Variants in THSD7B observed in about 807,000 individuals in gnomAD.
THSD7B encodes thrombospondin type-1 domain-containing protein 7B.
A neutral mutation model predicts 213.6 loss-of-function variants in THSD7B; 138 were observed. The ratio of observed to expected loss-of-function variants is 0.65; its 90% CI spans 0.56 to 0.74. THSD7B has a LOEUF of 0.74. Ranked by LOEUF, THSD7B falls within the 30% of genes least tolerant of loss-of-function variation. The pLI is 0.00. For missense variants in THSD7B, 1,931 were observed against 1,991.5 expected (o/e 0.97, Z 0.58); for synonymous variants, 742 against 687.0 (o/e 1.08, Z -1.25).
chr2:137,070,377 T>C (rs934144699), intron 3 of THSD7B, among the ~76,000 whole-genome samples: 9 of 151,932 alleles, frequency 5.9e-5, no homozygotes, highest in African/African-American at 1.9e-4. Context: ...AGGTAGTTTT[T>C]AATAATTTAT....
chr2:136,945,579 C>A (rs151292971), intron 2 of THSD7B, among the ~76,000 whole-genome samples: 3 of 152,144 alleles, frequency 2.0e-5, no homozygotes, highest in Non-Finnish European at 4.4e-5. Flanking sequence ...CAGCTTGTTT[C>A]TATTCTCCCA....
chr2:137,103,367 A>T (rs535399419), intron 4 of THSD7B, among the ~76,000 whole-genome samples: 1 of 152,344 alleles, frequency 6.6e-6, no homozygotes, highest in Non-Finnish European at 1.5e-5. Flanking sequence ...CTGCCTCACA[A>T]GAGCTCCTGA....
rs112726933 is a variant in THSD7B, at chr2:136,994,435, C to T, written c.140-61985C>T. 9.6e-3 allele frequency among the ~76,000 whole-genome samples: 1,465 copies of T among 152,152 alleles called. 26 individuals carry two copies. The highest frequency in any genetic ancestry group is 0.034 in the African/African-American group (1,419 of 41,500). On this transcript the variant is annotated intron_variant, in intron 2 of 27. Coordinates refer to ENST00000409968, the MANE Select transcript of THSD7B (RefSeq NM_001316349.2). The stretch of plus-strand genomic sequence containing the variant: ...AAAAAAAATTAGCTGGGCGTGGTGG[C>T]GGGCGCCTTTAGTCCCAGCTACTTG...
intron 15 of THSD7B, among the ~76,000 whole-genome samples, chr2:137,527,135 CAAATT>C (rs1283053592): frequency 6.6e-6 from 1 of 152,014 alleles, no homozygotes; most frequent in Non-Finnish European, 1.5e-5. Context: ...TATGTGCACA[CAAATT>C]AAAGTTTAAA....
chr2:137,565,620 G>T (rs1681221577), intron 16 of THSD7B, among the ~76,000 whole-genome samples: 1 of 152,118 alleles, frequency 6.6e-6, no homozygotes, highest in Admixed American at 6.6e-5. Context: ...ATTTTAGAGT[G>T]ACATATTCAA....
Position 136,983,161 on chromosome 2 carries a change from T to A in THSD7B, c.140-73259T>A, listed in dbSNP as rs573040446. ...TTGGTTTATATGTAAATATGAATTT[T>A]AAGCAAAATAGTGAAAATAACCATC... is the stretch of plus-strand genomic sequence containing the variant. On this transcript the variant is annotated intron_variant, in intron 2 of 27. Transcript: ENST00000409968. 1.2e-4 allele frequency among the ~76,000 whole-genome samples: 18 copies of A among 152,302 alleles called. No homozygotes were observed. The South Asian group carries it at 1.9e-3, about 16-fold the overall frequency.
At chr2:137,368,875 A>C (rs1034093415) in intron 12 of THSD7B, among the ~76,000 whole-genome samples, 1 of 151,998 alleles carries the variant, frequency 6.6e-6, no homozygotes, top group African/African-American at 2.4e-5. Flanking sequence ...TAATTTTCAG[A>C]ATTTTCAATC....
At chr2:137,040,219 T>A (rs1476910677) in intron 2 of THSD7B, among the ~76,000 whole-genome samples, 1 of 152,114 alleles carries the variant, frequency 6.6e-6, no homozygotes, top group Non-Finnish European at 1.5e-5. Context: ...GGACAATGCT[T>A]ACAAATGTGT....
At chr2:136,881,592 A>AT (rs1683623877) in intron 1 of THSD7B, among the ~76,000 whole-genome samples, 1 of 152,104 alleles carries the variant, frequency 6.6e-6, no homozygotes, top group Non-Finnish European at 1.5e-5. Flanking sequence ...AACTTACTTG[A>AT]TTTTTTGTAC....
At chr2:137,490,786 GA>G (rs1688587210) in intron 15 of THSD7B, among the ~76,000 whole-genome samples, 1 of 152,132 alleles carries the variant, frequency 6.6e-6, no homozygotes, top group South Asian at 2.1e-4. Context: ...AGGGATAATG[GA>G]CATAGTCTAG....
intron 14 of THSD7B, among the ~76,000 whole-genome samples, chr2:137,448,782 G>A (rs6710502): frequency 6.6e-6 from 1 of 151,072 alleles, no homozygotes; most frequent in Non-Finnish European, 1.5e-5. Flanking sequence ...CTGGGCGACA[G>A]AGCGAGACTC....
chr2:136,855,719 G>A (rs771866910), intron 1 of THSD7B, among the ~76,000 whole-genome samples: 3 of 151,784 alleles, frequency 2.0e-5, no homozygotes, highest in Non-Finnish European at 2.9e-5. Flanking sequence ...TGATCTGCCC[G>A]CCTGGGCCTC....
At chr2:137,342,837 T>C (rs1026204368) in intron 12 of THSD7B, among the ~76,000 whole-genome samples, 2 of 151,810 alleles carry the variant, frequency 1.3e-5, no homozygotes, top group Admixed American at 1.3e-4. Flanking sequence ...GTCATGTTTA[T>C]TGATTTGCAT....
At chr2:137,454,404 G>C (rs1163067784) in intron 15 of THSD7B, among the ~76,000 whole-genome samples, 1 of 112,346 alleles carries the variant, frequency 8.9e-6, no homozygotes, top group Non-Finnish European at 1.8e-5. Context: ...CTGTCTGTCT[G>C]TCTGTCTGTC....
intron 13 of THSD7B, among the ~76,000 whole-genome samples, chr2:137,411,322 A>G (rs536826450): frequency 1.3e-5 from 2 of 152,218 alleles, no homozygotes; most frequent in Non-Finnish European, 2.9e-5. Flanking sequence ...AGAAAATGTT[A>G]AATAAATTAA....
At chr2:137,514,665 G>A (rs950817620) in intron 15 of THSD7B, among the ~76,000 whole-genome samples, 6 of 152,186 alleles carry the variant, frequency 3.9e-5, no homozygotes, top group African/African-American at 1.4e-4. Context: ...AGTTTCTGGA[G>A]TTGGCTGCTT....
At chr2:137,129,157 C>T (rs116257856) in intron 5 of THSD7B, among the ~76,000 whole-genome samples, 114 of 152,140 alleles carry the variant, frequency 7.5e-4, no homozygotes, top group African/African-American at 2.5e-3. Flanking sequence ...ATTTTCTACT[C>T]GTTTTCAAGT....
At chr2:136,976,811 CG>C (rs1558873758) in intron 2 of THSD7B, among the ~76,000 whole-genome samples, 1 of 151,944 alleles carries the variant, frequency 6.6e-6, no homozygotes, top group African/African-American at 2.4e-5. Context: ...TTAGTAGAGA[CG>C]GGGTTTCACT....
At position 137,655,722 on chromosome 2, in the gene THSD7B, GT is replaced by G. The variant is rs573672829; in HGVS notation, c.4105+66del. 2,377 of 1,520,734 alleles carry G rather than the reference GT, an allele frequency of 1.6e-3. 7 individuals carry two copies. The highest frequency in any genetic ancestry group is 1.8e-3 in the Non-Finnish European group (1,998 of 1,127,614). 94.2% of individuals were successfully genotyped at this position (1,520,734 alleles called of 1,614,324 possible). ...TGATCTTTTTGTTTATTTTACTACT[GT>G]TTTCCTAGAGATGCTCTAGCTCATC... On this transcript the variant is annotated intron_variant, in intron 22 of 27. Transcript: ENST00000409968.
Sources: gnomAD v4.1 joint callset for allele counts (sites outside exome capture counted in the v4.1 genomes callset) on GRCh38, gnomAD v4.1.1 for gene constraint, MANE v1.5 for transcripts, NCBI Gene and HGNC (gene_info 2026-07-23, HGNC 2026-07-21) for gene names.